DOK6: variants seen among roughly 807,000 people sequenced by gnomAD.
DOK6 encodes the protein docking protein 6.
A neutral mutation model predicts 44.0 loss-of-function variants in DOK6; 22 were observed. The observed-to-expected ratio is 0.50, with a 90% CI of 0.36 to 0.71. The LOEUF (loss-of-function observed/expected upper bound fraction) is 0.71. Ranked by LOEUF, DOK6 falls within the 30% of genes least tolerant of loss-of-function variation. The pLI is 0.00. For synonymous variants in DOK6, 166 were observed against 145.5 expected (o/e 1.14, Z -1.01); for missense variants, 340 against 416.4 (o/e 0.82, Z 1.60).
Position 69,841,504 on chromosome 18 carries a change from C to G in DOK6, c.*121C>G. On this transcript the variant is annotated 3_prime_UTR_variant, in exon 8 of 8. Coordinates refer to ENST00000382713, the MANE Select transcript of DOK6 (RefSeq NM_152721.6). ...AAATTGAAATGGGTCGGCTCTAGCCCCAGTCCCATTGGAAGGTTAAAAACT... is the reference window on the plus strand; with the variant it reads ...AAATTGAAATGGGTCGGCTCTAGCCGCAGTCCCATTGGAAGGTTAAAAACT... 5.9e-6 allele frequency: 8 copies of G among 1,362,098 alleles called. No individual in the cohort carries two copies. The highest frequency in any genetic ancestry group is 7.8e-6 in the Non-Finnish European group (8 of 1,026,342). The allele number at this position is 1,362,098 out of a possible 1,614,324, so 84.4% of individuals were successfully genotyped here.
chr18:69,841,311 T>G lies in DOK6; in HGVS notation c.924T>G (p.Ser308Arg), dbSNP rs758002118. 1 of 1,613,916 alleles carries G rather than the reference T, an allele frequency of 6.2e-7. No homozygotes were observed. Among genetic ancestry groups the G allele is most frequent in the Non-Finnish European group, 8.5e-7 (1 of 1,179,976 alleles). ...QTFPSYAPEQSEEAQQPLSRS... is the reference protein window; with the variant it reads ...QTFPSYAPEQREEAQQPLSRS... Reference sequence around the variant, plus strand: ...TTCCCAGCTACGCCCCAGAACAGAGTGAAGAGGCCCAGCAGCCGTTGTCGC... The same window carrying G: ...TTCCCAGCTACGCCCCAGAACAGAGGGAAGAGGCCCAGCAGCCGTTGTCGC... Residue 308 changes from serine to arginine, a missense_variant, in exon 8 of 8, where the codon AGT becomes AGG. Coordinates refer to ENST00000382713, the MANE Select transcript of DOK6 (RefSeq NM_152721.6).
intron 2 of DOK6, among the ~76,000 whole-genome samples, chr18:69,579,771 C>T (rs775146491): frequency 2.6e-5 from 4 of 151,950 alleles, no homozygotes; most frequent in Non-Finnish European, 4.4e-5. Flanking sequence ...TTAGTGGAGA[C>T]GGGATTTTCA....
chr18:69,606,430 G>T (rs1983998100), intron 3 of DOK6, among the ~76,000 whole-genome samples: 1 of 151,848 alleles, frequency 6.6e-6, no homozygotes, highest in African/African-American at 2.4e-5. Context: ...CTTATGAAAA[G>T]CCCACAGCTA....
intron 1 of DOK6, among the ~76,000 whole-genome samples, chr18:69,475,151 T>G (rs1319447258): frequency 2.0e-5 from 3 of 152,192 alleles, no homozygotes; most frequent in Admixed American, 1.3e-4. Context: ...TTTAATCAAC[T>G]GTAGCACAAC....
At chr18:69,465,964 A>G (rs1002773699) in intron 1 of DOK6, among the ~76,000 whole-genome samples, 15 of 152,212 alleles carry the variant, frequency 9.9e-5, no homozygotes, top group African/African-American at 3.6e-4. Context: ...TGCTTTATAC[A>G]TTGTGAAATA....
At chr18:69,426,571 A>C (rs1473041216) in intron 1 of DOK6, among the ~76,000 whole-genome samples, 3 of 152,228 alleles carry the variant, frequency 2.0e-5, no homozygotes, top group African/African-American at 7.2e-5. Flanking sequence ...TAAACATTGT[A>C]GATCATGAGT....
chr18:69,482,203 C>G (rs988070752), intron 1 of DOK6, among the ~76,000 whole-genome samples: 23 of 151,964 alleles, frequency 1.5e-4, no homozygotes, highest in Middle Eastern at 3.4e-3. Context: ...AGTTTCTTTT[C>G]CTGTGCAGAA....
At chr18:69,712,242 C>A (rs1026560941) in intron 5 of DOK6, among the ~76,000 whole-genome samples, 3 of 119,880 alleles carry the variant, frequency 2.5e-5, no homozygotes, top group East Asian at 5.2e-4. Flanking sequence ...GATCCCGCCA[C>A]TGCACTCCAG....
chr18:69,452,372 G>A (rs1202421159), intron 1 of DOK6, among the ~76,000 whole-genome samples: 5 of 149,670 alleles, frequency 3.3e-5, no homozygotes, highest in African/African-American at 9.9e-5. Flanking sequence ...GGAAGAAGTT[G>A]AATCTCTGAA....
At chr18:69,417,602 A>G (rs565968407) in intron 1 of DOK6, among the ~76,000 whole-genome samples, 1 of 152,240 alleles carries the variant, frequency 6.6e-6, no homozygotes, top group South Asian at 2.1e-4. Context: ...GCTGGATCAT[A>G]TGGCAATTCT....
intron 3 of DOK6, among the ~76,000 whole-genome samples, chr18:69,622,129 C>T (rs1209116006): frequency 1.3e-5 from 2 of 152,178 alleles, no homozygotes; most frequent in Non-Finnish European, 2.9e-5. Context: ...AGAAAGACCA[C>T]ATAGGAAATC....
chr18:69,699,870 C>G (rs1986473301), intron 5 of DOK6, among the ~76,000 whole-genome samples: 1 of 151,952 alleles, frequency 6.6e-6, no homozygotes, highest in Admixed American at 6.6e-5. Flanking sequence ...TAAAGACATA[C>G]CCAAGACTGG....
chr18:69,482,657 T>C (rs1200269675), intron 1 of DOK6, among the ~76,000 whole-genome samples: 2 of 151,986 alleles, frequency 1.3e-5, no homozygotes, highest in Non-Finnish European at 2.9e-5. Flanking sequence ...ATATGATCCA[T>C]TTTAGAGGTT....
intron 3 of DOK6, among the ~76,000 whole-genome samples, chr18:69,610,610 C>G (rs2144630270): frequency 6.6e-6 from 1 of 152,218 alleles, no homozygotes; most frequent in South Asian, 2.1e-4. Flanking sequence ...ACAATGAACA[C>G]AGTCCGCCCT....
At chr18:69,674,495 C>T (rs780581456) in intron 3 of DOK6, among the ~76,000 whole-genome samples, 2 of 152,104 alleles carry the variant, frequency 1.3e-5, no homozygotes, top group Non-Finnish European at 2.9e-5. Context: ...CCCCAGGCAT[C>T]TCCCTCACTC....
chr18:69,487,791 T>C (rs2044331145), intron 1 of DOK6, among the ~76,000 whole-genome samples: 1 of 152,170 alleles, frequency 6.6e-6, no homozygotes, highest in Non-Finnish European at 1.5e-5. Context: ...CTGACATCTT[T>C]CAGAGTTTCA....
At chr18:69,403,771 A>G (rs373505977) in intron 1 of DOK6, among the ~76,000 whole-genome samples, 2 of 152,330 alleles carry the variant, frequency 1.3e-5, no homozygotes, top group East Asian at 1.9e-4. Context: ...AGTGAGTCCC[A>G]TAAGATAGTA....
chr18:69,458,877 AG>A (rs1183192476), intron 1 of DOK6, among the ~76,000 whole-genome samples: 1 of 152,102 alleles, frequency 6.6e-6, no homozygotes, highest in Non-Finnish European at 1.5e-5. Context: ...GGATCACCTG[AG>A]GTCAGGAGTT....
intron 1 of DOK6, among the ~76,000 whole-genome samples, chr18:69,520,943 A>G (rs568019993): frequency 1.3e-5 from 2 of 152,042 alleles, no homozygotes; most frequent in African/African-American, 4.8e-5. Context: ...TCAACTGTGC[A>G]TGTTTGTCTG....
Sources: gnomAD v4.1 joint callset for allele counts (sites outside exome capture counted in the v4.1 genomes callset) on GRCh38, gnomAD v4.1.1 for gene constraint, MANE v1.5 for transcripts, NCBI Gene and HGNC (gene_info 2026-07-23, HGNC 2026-07-21) for gene names.